DYNC1LI1: variants seen among roughly 807,000 people sequenced by gnomAD.
DYNC1LI1 encodes cytoplasmic dynein 1 light intermediate chain 1.
DYNC1LI1 carries 19 observed loss-of-function variants against 63.8 expected under a neutral mutation model. That is an observed-to-expected ratio of 0.30 (90% CI 0.21 to 0.44). The LOEUF (loss-of-function observed/expected upper bound fraction) is 0.44, where lower values mean the gene tolerates loss of function less well. Among genes scored for constraint, DYNC1LI1 ranks in the 20% least tolerant of loss-of-function variants. The pLI is 1.00. For missense variants in DYNC1LI1, 565 were observed against 630.2 expected, an observed-to-expected ratio of 0.90 and a Z score of 1.11; for synonymous variants, 225 against 232.3, an observed-to-expected ratio of 0.97 and a Z score of 0.28.
chr3:32,570,278 A>T (rs572711638), intron 2 of DYNC1LI1, 68 bp downstream of exon 2: 64 of 1,284,396 alleles, frequency 5.0e-5, no homozygotes, highest in African/African-American at 7.4e-5. Context: ...CCAGCGAGCT[A>T]GCCCGCGGAC....
At chr3:32,565,784 T>C (rs1050539309) in intron 2 of DYNC1LI1, among the ~76,000 whole-genome samples, 1 of 152,120 alleles carries the variant, frequency 6.6e-6, no homozygotes, top group African/African-American at 2.4e-5. Flanking sequence ...AATTTTTGTA[T>C]TTTTAGTAGA....
At chr3:32,542,604 C>T (rs998512374) in intron 4 of DYNC1LI1, among the ~76,000 whole-genome samples, 1 of 152,140 alleles carries the variant, frequency 6.6e-6, no homozygotes, top group Admixed American at 6.5e-5. Context: ...GACGGGGTTT[C>T]ATCATATCGG....
intron 11 of DYNC1LI1, 72 bp downstream of exon 11, chr3:32,529,468 A>C: frequency 7.0e-7 from 1 of 1,426,212 alleles, no homozygotes; most frequent in Non-Finnish European, 9.5e-7. Flanking sequence ...TTATGGCAAA[A>C]GGTGGAATTT....
intron 11 of DYNC1LI1, among the ~76,000 whole-genome samples, chr3:32,528,940 A>G (rs1697658708): frequency 2.6e-5 from 4 of 152,238 alleles, no homozygotes. Context: ...GAAAAGTTAC[A>G]GAATCCTATA....
At chr3:32,555,954 G>A (rs1698109117) in intron 2 of DYNC1LI1, among the ~76,000 whole-genome samples, 1 of 152,064 alleles carries the variant, frequency 6.6e-6, no homozygotes. Flanking sequence ...TAAGATGTGA[G>A]AAAAAAACCC....
intron 2 of DYNC1LI1, among the ~76,000 whole-genome samples, chr3:32,560,960 C>A (rs1698181497): frequency 7.7e-6 from 1 of 130,164 alleles, no homozygotes; most frequent in Non-Finnish European, 1.6e-5. Flanking sequence ...CAAGACTGCA[C>A]CACTGCACTC....
intron 2 of DYNC1LI1, among the ~76,000 whole-genome samples, chr3:32,556,833 C>T (rs1016965012): frequency 6.6e-6 from 1 of 152,102 alleles, no homozygotes; most frequent in Non-Finnish European, 1.5e-5. Context: ...GACATCTGGC[C>T]CAAACTTCGC....
intron 7 of DYNC1LI1, among the ~76,000 whole-genome samples, chr3:32,533,671 T>C (rs1381043473): frequency 1.3e-5 from 2 of 150,860 alleles, no homozygotes; most frequent in Non-Finnish European, 2.9e-5. Context: ...GCTCAAGTGA[T>C]CCTCCCACCT....
At chr3:32,532,826 C>A in intron 8 of DYNC1LI1, 160 bp downstream of exon 8, 1 of 1,240,798 alleles carries the variant, frequency 8.1e-7, no homozygotes, top group Non-Finnish European at 1.0e-6. Context: ...AAAACAAATC[C>A]TTATGTAAAC....
intron 4 of DYNC1LI1, among the ~76,000 whole-genome samples, chr3:32,543,547 C>T (rs1406584148): frequency 2.7e-5 from 4 of 150,868 alleles, no homozygotes; most frequent in Non-Finnish European, 4.4e-5. Flanking sequence ...TACAGGCACC[C>T]GCCACCATGC....
At chr3:32,554,945 C>T (rs1459251743) in intron 2 of DYNC1LI1, among the ~76,000 whole-genome samples, 2 of 144,986 alleles carry the variant, frequency 1.4e-5, no homozygotes, top group Admixed American at 7.1e-5. Flanking sequence ...TCTTGGCTCA[C>T]TGCAACCTCC....
At chr3:32,568,575 A>G (rs1698299899) in intron 2 of DYNC1LI1, among the ~76,000 whole-genome samples, 1 of 152,078 alleles carries the variant, frequency 6.6e-6, no homozygotes, top group African/African-American at 2.4e-5. Context: ...CTCTAAGAAC[A>G]CTCAGTCCCA....
At chr3:32,528,408 G>A (rs1186341196) in intron 12 of DYNC1LI1, 38 bp downstream of exon 12, 1 of 1,611,866 alleles carries the variant, frequency 6.2e-7, no homozygotes, top group Admixed American at 1.7e-5. Context: ...CAAAAAAGCT[G>A]TTATTTTAAA....
At position 32,561,017 on chromosome 3, in the gene DYNC1LI1, A is replaced by C. The variant is rs1031841071; in HGVS notation, c.220+9329T>G. Among the ~76,000 whole-genome samples the C allele has an allele frequency of 3.1e-4, 35 of 111,324 alleles. No homozygotes were observed. In the South Asian group the frequency reaches 5.3e-3, roughly 17 times the overall value. 73.0% of individuals were successfully genotyped at this position (111,324 alleles called of 152,430 possible). On this transcript the variant is annotated intron_variant, in intron 2 of 12. Coordinates refer to ENST00000273130, the MANE Select transcript of DYNC1LI1 (RefSeq NM_016141.4). ...AACTCCGTCTCAAAAAAAAAAAAAA[A>C]AAAAAAAAAAAAAAAACAAACAAAA...
At chr3:32,529,993 T>C (rs1697673570) in intron 10 of DYNC1LI1, among the ~76,000 whole-genome samples, 1 of 152,156 alleles carries the variant, frequency 6.6e-6, no homozygotes, top group African/African-American at 2.4e-5. Context: ...AGCCACAACG[T>C]CCTCCCTAAG....
At chr3:32,541,305 A>C (rs1697879149) in intron 4 of DYNC1LI1, 99 bp from the exon 5 acceptor site, 2 of 770,762 alleles carry the variant, frequency 2.6e-6, no homozygotes, top group East Asian at 5.4e-5. Context: ...ATTTATACTT[A>C]GTCTTGTGTA....
At chr3:32,556,915 T>C (rs1698122574) in intron 2 of DYNC1LI1, among the ~76,000 whole-genome samples, 1 of 152,234 alleles carries the variant, frequency 6.6e-6, no homozygotes, top group Admixed American at 6.5e-5. Context: ...CCTGGCCATT[T>C]ACCACAATCT....
At chr3:32,562,849 C>T (rs1463743833) in intron 2 of DYNC1LI1, among the ~76,000 whole-genome samples, 1 of 152,154 alleles carries the variant, frequency 6.6e-6, no homozygotes, top group Non-Finnish European at 1.5e-5. Flanking sequence ...GGGAGGCTGA[C>T]TCTTAAGATC....
At chr3:32,532,309 C>CA (rs1392516068) in intron 8 of DYNC1LI1, 1 of 151,438 alleles carries the variant, frequency 6.6e-6, no homozygotes, top group East Asian at 1.9e-4. Context: ...TACAAAAATA[C>CA]AAAAAAATTA....
Sources: gnomAD v4.1 joint callset for allele counts (sites outside exome capture counted in the v4.1 genomes callset) on GRCh38, gnomAD v4.1.1 for gene constraint, MANE v1.5 for transcripts, NCBI Gene and HGNC (gene_info 2026-07-23, HGNC 2026-07-21) for gene names.